Variants in PRKDC observed in about 807,000 individuals in gnomAD.
The protein encoded by PRKDC is protein kinase, DNA-activated, catalytic subunit.
In PRKDC, 82 loss-of-function variants were observed where a neutral mutation model predicts 486.9. The observed-to-expected ratio is 0.17, with a 90% CI of 0.14 to 0.20. The LOEUF is 0.20. Among genes scored for constraint, PRKDC ranks in the 10% least tolerant of loss-of-function variants. The pLI, the probability that PRKDC is intolerant of heterozygous loss-of-function variation, is 1.00. For missense variants in PRKDC, 4,504 were observed against 5,038.2 expected (o/e 0.89, Z 3.21); for synonymous variants, 1,895 against 1,837.0 (o/e 1.03, Z -0.81).
intron 74 of PRKDC, 88 bp downstream of exon 74, chr8:47,794,202 A>G: frequency 9.5e-7 from 1 of 1,048,054 alleles, no homozygotes; most frequent in South Asian, 1.6e-5. Context: ...TAATTTGAAA[A>G]CAAATGTAGT....
chr8:47,881,260 G>A (rs1454305143), intron 38 of PRKDC, among the ~76,000 whole-genome samples, 156 bp downstream of exon 38: 2 of 152,086 alleles, frequency 1.3e-5, no homozygotes, highest in African/African-American at 2.4e-5. Flanking sequence ...GATGGTTATC[G>A]AGACTGGCTA....
At chr8:47,927,013 C>T (rs1426212378) in intron 21 of PRKDC, 181 bp downstream of exon 21, 2 of 646,074 alleles carry the variant, frequency 3.1e-6, no homozygotes, top group African/African-American at 3.7e-5. Context: ...AATACCTCAA[C>T]TATATTTCTT....
chr8:47,944,512 AC>A (rs1205686085), intron 7 of PRKDC, among the ~76,000 whole-genome samples: 34 of 152,068 alleles, frequency 2.2e-4, no homozygotes, highest in Non-Finnish European at 7.4e-5. Flanking sequence ...AGAAAAAAAA[AC>A]ATAGTACATG....
intron 68 of PRKDC, 40 bp from the exon 69 acceptor site, chr8:47,807,366 A>G: frequency 6.8e-7 from 1 of 1,460,326 alleles, no homozygotes; most frequent in East Asian, 2.4e-5. Flanking sequence ...AGACTCAGGA[A>G]TAGGAAGCTG....
At chr8:47,869,775 A>AC (rs2088906108) in intron 40 of PRKDC, among the ~76,000 whole-genome samples, 1 of 152,042 alleles carries the variant, frequency 6.6e-6, no homozygotes, top group Admixed American at 6.6e-5. Context: ...GGATTTCTGG[A>AC]CCTGCCCTGG....
chr8:47,951,970 G>A (rs1173389417), intron 7 of PRKDC, among the ~76,000 whole-genome samples: 1 of 152,186 alleles, frequency 6.6e-6, no homozygotes, highest in Non-Finnish European at 1.5e-5. Flanking sequence ...AAAATGACAA[G>A]TTAGTAAGGA....
chr8:47,913,166 C>G (rs1404281304), intron 24 of PRKDC, among the ~76,000 whole-genome samples: 2 of 152,018 alleles, frequency 1.3e-5, no homozygotes, highest in Non-Finnish European at 2.9e-5. Context: ...ACTGAAAAAC[C>G]AAAAAACTAG....
chr8:47,909,791 G>C (rs2089862259), intron 25 of PRKDC, among the ~76,000 whole-genome samples: 1 of 152,146 alleles, frequency 6.6e-6, no homozygotes, highest in East Asian at 1.9e-4. Flanking sequence ...ATATGGCCTT[G>C]TCTCCTGCAG....
intron 74 of PRKDC, among the ~76,000 whole-genome samples, chr8:47,789,897 A>C (rs1005022131): frequency 6.6e-6 from 1 of 152,244 alleles, no homozygotes; most frequent in Non-Finnish European, 1.5e-5. Flanking sequence ...CTCTCAAAAA[A>C]TTAGGTATAG....
intron 11 of PRKDC, 142 bp downstream of exon 11, chr8:47,939,409 G>T: frequency 1.1e-6 from 1 of 882,122 alleles, no homozygotes; most frequent in Non-Finnish European, 1.7e-6. Context: ...ATGTAAGTGA[G>T]CCTGTGCAGT....
intron 40 of PRKDC, among the ~76,000 whole-genome samples, chr8:47,877,451 G>C (rs1437109230): frequency 6.6e-6 from 1 of 152,170 alleles, no homozygotes; most frequent in Non-Finnish European, 1.5e-5. Context: ...TACAATAGCA[G>C]TAGCAAAAAA....
At chr8:47,859,882 G>T in intron 45 of PRKDC, 123 bp from the exon 46 acceptor site, 2 of 1,009,332 alleles carry the variant, frequency 2.0e-6, no homozygotes, top group Non-Finnish European at 2.8e-6. Flanking sequence ...CATCAAGCCA[G>T]TGATTATTAA....
In PRKDC at chr8:47,782,467, C is replaced by A. The variant is rs755121768; in HGVS notation, c.11307G>T (p.Gln3769His). ...CTTGGGCCAGGATCCCATTCATGAC[C>A]TGGAAGAGCTGCTCCACGCGCTGGT... is the stretch of plus-strand genomic sequence containing the variant. ...RQDQRVEQLF[Q>H]VMNGILAQDS... The change falls in exon 79 of 86, where the codon CAG becomes CAT. Residue 3769 changes from glutamine (Q) to histidine (H), a missense_variant. This residue lies in a region of PRKDC where 706 missense variants were observed against 945.0 expected (regional missense o/e 0.75). Transcript: ENST00000314191. This position sits in a 1 kb window ranked among gnomAD's most constrained non-coding sequence, Gnocchi z 4.9. The A allele has an allele frequency of 6.3e-7, 1 of 1,589,324 alleles. No individual in the cohort carries two copies. Among genetic ancestry groups the A allele is most frequent in the South Asian group, 1.1e-5 (1 of 87,670 alleles).
rs1446456369 is a variant in PRKDC, at chr8:47,826,681, C to T, written c.8758G>A (p.Val2920Ile). The T allele has an allele frequency of 1.2e-6, 2 of 1,612,842 alleles. No homozygotes were observed. Among genetic ancestry groups the T allele is most frequent in the African/African-American group, 1.3e-5 (1 of 75,038 alleles). The change falls in exon 63 of 86, where the codon GTC becomes ATC. Residue 2920 changes from valine (V) to isoleucine (I), a missense_variant. By Grantham distance (29) the Val-to-Ile change is conservative. This residue lies in a region of PRKDC where 1,592 missense variants were observed against 1,724.6 expected (regional missense o/e 0.92). Transcript: ENST00000314191. ...TTAGCAAGCTCCACCCATCTGAGGA[C>T]ATCAGGAGGGAGGCGGGCCTTCCCA... ...VRGKARLPPD[V>I]LRWVELAKLY... is the part of the protein sequence containing the mutation.
intron 70 of PRKDC, among the ~76,000 whole-genome samples, chr8:47,801,770 C>G (rs1267120364): frequency 6.6e-6 from 1 of 152,158 alleles, no homozygotes; most frequent in African/African-American, 2.4e-5. Context: ...TGAACCAGCG[C>G]TGGCTAAGTC....
At chr8:47,827,632 T>G (rs998999529) in intron 62 of PRKDC, among the ~76,000 whole-genome samples, 2 of 152,224 alleles carry the variant, frequency 1.3e-5, no homozygotes, top group Non-Finnish European at 2.9e-5. Context: ...TTACACTGCT[T>G]TAACACTTCC....
At chr8:47,803,130 A>G (rs892663746) in intron 70 of PRKDC, among the ~76,000 whole-genome samples, 176 bp downstream of exon 70, 8 of 152,230 alleles carry the variant, frequency 5.3e-5, no homozygotes, top group African/African-American at 1.9e-4. Flanking sequence ...ATGCAAACAC[A>G]AAGTTTTCAA....
At chr8:47,938,431 G>A (rs1023694909) in intron 11 of PRKDC, among the ~76,000 whole-genome samples, 3 of 144,256 alleles carry the variant, frequency 2.1e-5, no homozygotes, top group African/African-American at 2.5e-5. Context: ...AAAAAAAAAA[G>A]AAAGAAAAAA....
chr8:47,823,811 C>T (rs556166380), intron 64 of PRKDC, 47 bp downstream of exon 64: 2 of 1,604,450 alleles, frequency 1.2e-6, no homozygotes, highest in Admixed American at 1.7e-5. Context: ...CAGCAGAAAA[C>T]AAAAGTGTTG....
Sources: allele counts gnomAD v4.1 joint callset (sites outside exome capture counted in the v4.1 genomes callset), GRCh38; gene constraint gnomAD v4.1.1; regional missense constraint gnomAD v4.1.1; non-coding constraint Gnocchi (gnomAD v3.1); transcripts MANE v1.5; gene names NCBI Gene and HGNC (gene_info 2026-07-23, HGNC 2026-07-21).